GLIPR1L2: variants seen among roughly 807,000 people sequenced by gnomAD.
The protein encoded by GLIPR1L2 is GLIPR1-like protein 2.
In GLIPR1L2, 21 loss-of-function variants were observed where a neutral mutation model predicts 28.4. That is an observed-to-expected ratio of 0.74 (90% confidence interval 0.52 to 1.06). The LOEUF is 1.06. GLIPR1L2 is among the 50% of genes least tolerant of loss of function. The pLI is 0.00. For synonymous variants in GLIPR1L2, 145 were observed against 139.3 expected, an observed-to-expected ratio of 1.04 and a Z score of -0.29; for missense variants, 476 against 416.9, an observed-to-expected ratio of 1.14 and a Z score of -1.23.
Position 75,410,487 on chromosome 12 carries a change from G to T in GLIPR1L2, c.288G>T (p.Leu96Phe). ...CTAGAGCATGGGGAAAAAAATGTTT[G>T]TTTACGCATAATATTTATTTACAAG... is the stretch of plus-strand genomic sequence containing the variant. Reference protein sequence around the residue: ...RTARAWGKKCLFTHNIYLQDV... With the variant: ...RTARAWGKKCFFTHNIYLQDV... Residue 96 changes from leucine to phenylalanine, a missense_variant, in exon 2 of 6, where the codon TTG (leucine) becomes TTT (phenylalanine). Coordinates refer to ENST00000550916, the MANE Select transcript of GLIPR1L2 (RefSeq NM_001270396.2). The T allele has an allele frequency of 1.2e-6, 2 of 1,610,184 alleles. No homozygotes were observed. The highest frequency in any genetic ancestry group is 2.2e-5 in the South Asian group (2 of 90,738).
chr12:75,415,274 G>A (rs1282628294), intron 3 of GLIPR1L2, among the ~76,000 whole-genome samples: 2 of 152,018 alleles, frequency 1.3e-5, no homozygotes, highest in Non-Finnish European at 2.9e-5. Context: ...AGCACAGAGT[G>A]ACATGATCTC....
chr12:75,430,711 C>T lies in GLIPR1L2; in HGVS notation c.671-4C>T. ...ATTTTTGTGGACTTTCTTTTTCTTT[C>T]TAGGTAATGCAGATCGTGACCAAGC... On this transcript the variant is annotated splice_polypyrimidine_tract_variant and splice_region_variant and intron_variant, in intron 4 of 5. Coordinates refer to ENST00000550916, the MANE Select transcript of GLIPR1L2 (RefSeq NM_001270396.2). 6.5e-7 allele frequency: 1 copy of T among 1,529,232 alleles called. No individual in the cohort carries two copies. Among genetic ancestry groups the T allele is most frequent in the Non-Finnish European group, 8.7e-7 (1 of 1,144,700 alleles). The allele number at this position is 1,529,232 out of a possible 1,614,324, so 94.7% of individuals were successfully genotyped here.
In GLIPR1L2 at chr12:75,410,423, A is replaced by C. The variant is rs895478486; in HGVS notation, c.235-11A>C. The C allele has an allele frequency of 3.3e-6, 5 of 1,501,360 alleles. No individual in the cohort carries two copies. The African/African-American group carries it at 7.1e-5, about 21-fold the overall frequency. The allele number at this position is 1,501,360 out of a possible 1,614,324, so 93.0% of individuals were successfully genotyped here. ...TTATTTTGTTCTCTTTGCTTTTTGA[A>C]TATTTTTCAGACTTGGGATGTAGCT... On this transcript the variant is annotated splice_polypyrimidine_tract_variant and intron_variant, in intron 1 of 5. Coordinates refer to ENST00000550916, the MANE Select transcript of GLIPR1L2 (RefSeq NM_001270396.2).
intron 3 of GLIPR1L2, among the ~76,000 whole-genome samples, chr12:75,417,454 C>T (rs1909969): frequency 0.35 from 53,021 of 151,874 alleles, 9,615 homozygotes; most frequent in East Asian, 0.46. Flanking sequence ...TTTTAGCCAC[C>T]GAATTTGTGG....
At chr12:75,421,504 T>C (rs10785189) in intron 3 of GLIPR1L2, among the ~76,000 whole-genome samples, 52,990 of 152,058 alleles carry the variant, frequency 0.35, 9,594 homozygotes, top group East Asian at 0.46. Context: ...ACTTAAATAA[T>C]GAATGTTTGT....
At chr12:75,411,628 G>C (rs943058584) in intron 2 of GLIPR1L2, among the ~76,000 whole-genome samples, 2 of 151,680 alleles carry the variant, frequency 1.3e-5, no homozygotes, top group African/African-American at 4.8e-5. Flanking sequence ...ATAGTACTCT[G>C]TGTTTTTACT....
intron 3 of GLIPR1L2, among the ~76,000 whole-genome samples, chr12:75,421,602 C>G (rs1046957209): frequency 3.3e-5 from 5 of 152,158 alleles, no homozygotes; most frequent in African/African-American, 9.7e-5. Context: ...TCAAATGTAT[C>G]TTTTCCCTAC....
intron 2 of GLIPR1L2, among the ~76,000 whole-genome samples, chr12:75,410,935 A>G (rs1255356340): frequency 2.0e-5 from 3 of 151,898 alleles, no homozygotes; most frequent in Non-Finnish European, 4.4e-5. Context: ...TTTCCTAAAA[A>G]TAATGTACAC....
At chr12:75,406,052 T>C (rs2045796017) in intron 1 of GLIPR1L2, among the ~76,000 whole-genome samples, 1 of 151,934 alleles carries the variant, frequency 6.6e-6, no homozygotes, top group African/African-American at 2.4e-5. Flanking sequence ...ATTGTGTATC[T>C]TAAAATAATT....
rs1008251255 is a variant in GLIPR1L2, at chr12:75,431,541, A to T, written c.*380A>T. The T allele has an allele frequency of 6.1e-6, 1 of 164,850 alleles. No homozygotes were observed. Among genetic ancestry groups the T allele is most frequent in the Non-Finnish European group, 1.3e-5 (1 of 76,392 alleles). The allele number at this position is 164,850 out of a possible 1,614,324, so 10.2% of individuals were successfully genotyped here. ...TGTTTTAAATAGTAAGGTGCTTAAG[A>T]TCATTCCAAGTTCATAACAACCATT... On this transcript the variant is annotated 3_prime_UTR_variant, in exon 6 of 6. Coordinates refer to ENST00000550916, the MANE Select transcript of GLIPR1L2 (RefSeq NM_001270396.2).
At chr12:75,410,396 A>AG (rs751325058) in intron 1 of GLIPR1L2, 38 bp from the exon 2 acceptor site, 1 of 1,445,764 alleles carries the variant, frequency 6.9e-7, no homozygotes, top group East Asian at 2.4e-5. Context: ...ACAAAAAAAA[A>AG]CTTATTTTGT....
intron 3 of GLIPR1L2, among the ~76,000 whole-genome samples, chr12:75,420,092 G>A (rs1048662542): frequency 1.3e-5 from 2 of 152,152 alleles, no homozygotes; most frequent in African/African-American, 4.8e-5. Context: ...AAAATGAAAC[G>A]AGTTGTAAGT....
At chr12:75,391,462 C>T (rs2045593764) in intron 1 of GLIPR1L2, 112 bp downstream of exon 1, 1 of 1,573,254 alleles carries the variant, frequency 6.4e-7, no homozygotes, top group Non-Finnish European at 8.6e-7. Context: ...CGGAGAACCG[C>T]ACTTTTAGCT....
At chr12:75,414,851 C>T (rs892339407) in intron 3 of GLIPR1L2, among the ~76,000 whole-genome samples, 2 of 151,956 alleles carry the variant, frequency 1.3e-5, no homozygotes, top group Non-Finnish European at 1.5e-5. Context: ...GCTAACAAGA[C>T]GCAAAAAGAC....
intron 3 of GLIPR1L2, among the ~76,000 whole-genome samples, chr12:75,422,048 A>C (rs1410022419): frequency 2.0e-5 from 3 of 152,076 alleles, no homozygotes; most frequent in African/African-American, 7.2e-5. Context: ...GCTAGAGTGC[A>C]GTGGCACAGT....
chr12:75,424,516 G>A (rs1489411121), intron 4 of GLIPR1L2, among the ~76,000 whole-genome samples: 3 of 152,140 alleles, frequency 2.0e-5, no homozygotes, highest in Admixed American at 2.0e-4. Flanking sequence ...CATGATCATA[G>A]CTCACTGTAA....
Position 75,410,587 on chromosome 12 carries a change from G to A in GLIPR1L2, c.388G>A (p.Ala130Thr). ...GGTCGGCCCTGAAAATGAATTTACT[G>A]CAAGTATTGCTATCAGAAGTTGGCA... The part of the protein sequence containing the change: ...MWVGPENEFT[A>T]SIAIRSWHAE... Residue 130 changes from alanine (A) to threonine (T), a missense_variant, in exon 2 of 6, where the codon GCA becomes ACA. Ala to Thr is a moderately conservative substitution (Grantham distance 58). Transcript: ENST00000550916. The A allele has an allele frequency of 6.2e-7, 1 of 1,612,276 alleles. No individual in the cohort carries two copies. The highest frequency in any genetic ancestry group is 8.5e-7 in the Non-Finnish European group (1 of 1,178,884).
chr12:75,419,395 T>C (rs1347789261), intron 3 of GLIPR1L2, among the ~76,000 whole-genome samples: 1 of 152,074 alleles, frequency 6.6e-6, no homozygotes, highest in Non-Finnish European at 1.5e-5. Flanking sequence ...GCTATAAAAG[T>C]GACAACTATG....
At chr12:75,409,756 GATATATATAAGATGTATATCTA>G (rs2045844842) in intron 1 of GLIPR1L2, among the ~76,000 whole-genome samples, 1 of 140,474 alleles carries the variant, frequency 7.1e-6, no homozygotes, top group East Asian at 2.1e-4. Context: ...TATCTAATCC[GATATATATAAGATGTATATCTA>G]ATCTGATATA....
Sources: gnomAD v4.1 joint callset for allele counts (sites outside exome capture counted in the v4.1 genomes callset) on GRCh38, gnomAD v4.1.1 for gene constraint, MANE v1.5 for transcripts, NCBI Gene and HGNC (gene_info 2026-07-23, HGNC 2026-07-21) for gene names.